The following NPHS1 variants were observed in gnomAD, a reference collection of about 807,000 sequenced individuals.
NPHS1 encodes the protein NPHS1 adhesion molecule, nephrin, also known as nephrin.
NPHS1 carries 107 observed loss-of-function variants against 139.7 expected under a neutral mutation model. The ratio of observed to expected loss-of-function variants is 0.77; its 90% CI spans 0.66 to 0.90. The LOEUF (loss-of-function observed/expected upper bound fraction) is 0.90, where lower values mean the gene tolerates loss of function less well. NPHS1 is among the 40% of genes least tolerant of loss of function. The pLI is 0.00. For synonymous variants in NPHS1, 707 were observed against 706.6 expected (o/e 1.00, Z -0.01); for missense variants, 1,580 against 1,654.2 (o/e 0.96, Z 0.78).
intron 22 of NPHS1, among the ~76,000 whole-genome samples, 170 bp from the exon 23 acceptor site, chr19:35,835,931 A>T (rs1405346853): frequency 6.7e-6 from 1 of 149,934 alleles, no homozygotes; most frequent in African/African-American, 2.5e-5. Flanking sequence ...AATACTATTA[A>T]TAGCAATTCT....
In NPHS1 at chr19:35,831,119, A is replaced by G; in HGVS notation, c.3415T>C (p.Tyr1139His). The G allele has an allele frequency of 6.2e-7, 1 of 1,614,024 alleles. No individual in the cohort carries two copies. ...GGGCTGAAGTCCCTCAGGGAGCGGT[A>G]ATACGGCTCTGCCTCTGTTGTGCTG... The part of the protein sequence containing the change: ...TVSTTEAEPY[Y>H]RSLRDFSPQL... Residue 1139 changes from tyrosine (Y) to histidine (H), a missense_variant, in exon 27 of 29, where the codon TAC becomes CAC. Tyr to His is a moderately conservative substitution (Grantham distance 83). Coordinates refer to ENST00000378910, the MANE Select transcript of NPHS1 (RefSeq NM_004646.4).
chr19:35,846,164 G>A lies in NPHS1; in HGVS notation c.1471C>T (p.Pro491Ser), dbSNP rs751346432. ...DSRTVTESRL[P>S]QESRRVHLGS... ...AGATGCACGCGCCGCGACTCCTGCG[G>A]CAGCCGCGACTCGGTCACGGTGCGC... Residue 491 changes from proline to serine, a missense_variant, in exon 12 of 29, where the codon CCG becomes TCG. Transcript: ENST00000378910. The A allele has an allele frequency of 6.3e-7, 1 of 1,595,190 alleles. No individual in the cohort carries two copies. The highest frequency in any genetic ancestry group is 8.5e-7 in the Non-Finnish European group (1 of 1,172,770).
At chr19:35,837,719 C>T (rs1254321826) in intron 22 of NPHS1, among the ~76,000 whole-genome samples, 1 of 152,034 alleles carries the variant, frequency 6.6e-6, no homozygotes, top group African/African-American at 2.4e-5. Flanking sequence ...TCTCTTGCCT[C>T]AGCCTCCCAA....
rs762392183 is a variant in NPHS1 at position 35,842,122 on chromosome 19, A to T, written c.2663+2T>A. On this transcript the variant is annotated splice_donor_variant, in intron 19 of 28. Transcript: ENST00000378910. LOFTEE classifies it high-confidence loss of function. ...GTGCTGCCTGGCTGGGCTTGGGCTC[A>T]CCTGGGATCTTGGAGATCCAGAGGG... 1.1e-5 allele frequency: 18 copies of T among 1,602,486 alleles called. No homozygotes were observed. Among genetic ancestry groups the T allele is most frequent in the Non-Finnish European group, 1.5e-5 (18 of 1,175,574 alleles).
chr19:35,842,308 G>T (rs752491418), intron 18 of NPHS1, 28 bp from the exon 19 acceptor site: 18 of 1,612,152 alleles, frequency 1.1e-5, no homozygotes, highest in Non-Finnish European at 1.5e-5. Flanking sequence ...GTCAACATGA[G>T]CTATGTGGGA....
intron 22 of NPHS1, among the ~76,000 whole-genome samples, chr19:35,837,064 AAGAAAGAAAAAT>A (rs752113806): frequency 1.2e-3 from 171 of 140,446 alleles, no homozygotes; most frequent in Admixed American, 2.6e-3. Flanking sequence ...GAAAGAAAGA[AAGAAAGAAAAAT>A]AAACTGAGCC....
rs375347088 is a variant in NPHS1 at position 35,842,077 on chromosome 19, G to T, written c.2663+47C>A. The T allele has an allele frequency of 5.1e-4, 802 of 1,574,720 alleles. 3 individuals are homozygous for T. The highest frequency in any genetic ancestry group is 6.5e-4 in the Non-Finnish European group (747 of 1,157,232). Reference sequence around the variant, plus strand: ...CTCAGGGAGGGGAAGTGGGGCTGGAGGTCCAGACCTGGGGCTGGAGTGCTG... The same window carrying T: ...CTCAGGGAGGGGAAGTGGGGCTGGATGTCCAGACCTGGGGCTGGAGTGCTG... On this transcript the variant is annotated intron_variant, in intron 19 of 28. Coordinates refer to ENST00000378910, the MANE Select transcript of NPHS1 (RefSeq NM_004646.4).
In NPHS1 at chr19:35,851,010, G is replaced by A. The variant is rs753019798; in HGVS notation, c.477C>T (p.Asn159=). The A allele has an allele frequency of 1.2e-6, 2 of 1,614,054 alleles. No homozygotes were observed. The highest frequency in any genetic ancestry group is 1.7e-6 in the Non-Finnish European group (2 of 1,180,022). ...CTGGCTTCGCGTCCCCAGACACACA[G>A]TTGACCACGTACTCCTGCCCAGCTA... is the stretch of plus-strand genomic sequence containing the variant. ...TWVAGQEYVV[N]CVSGDAKPAP... Residue 159 remains asparagine (N), a synonymous_variant, in exon 4 of 29, where the codon AAC becomes AAT. Transcript: ENST00000378910.
At chr19:35,842,061 G>A (rs761003374) in intron 19 of NPHS1, 63 bp downstream of exon 19, 7 of 1,543,266 alleles carry the variant, frequency 4.5e-6, no homozygotes, top group Non-Finnish European at 6.2e-6. Context: ...ACTCAGGGAG[G>A]GGAAGTGGGG....
At chr19:35,841,106 C>T (rs1973049684) in intron 20 of NPHS1, among the ~76,000 whole-genome samples, 1 of 151,684 alleles carries the variant, frequency 6.6e-6, no homozygotes, top group African/African-American at 2.4e-5. Flanking sequence ...ATGAAGAGGG[C>T]TGGTCATCAC....
chr19:35,831,655 G>C lies in NPHS1; in HGVS notation c.3274C>G (p.Arg1092Gly). The C allele has an allele frequency of 6.2e-7, 1 of 1,612,868 alleles. No homozygotes were observed. Among genetic ancestry groups the C allele is most frequent in the Non-Finnish European group, 8.5e-7 (1 of 1,179,628 alleles). ...GGTCTCTCCTCACCCTCAGCAAGAC[G>C]CCTGAGTCTCCGCTGCCAGAGGACC... Reference protein sequence around the residue: ...GGVLWQRRLRRLAEGISEKTE... With the variant: ...GGVLWQRRLRGLAEGISEKTE... The change falls in exon 24 of 29, where the codon CGT (arginine) becomes GGT (glycine). Residue 1092 changes from arginine to glycine, a missense_variant. By Grantham distance (125) the Arg-to-Gly change is moderately radical (BLOSUM62 -2). Transcript: ENST00000378910.
rs760315284 is a variant in NPHS1, at chr19:35,845,652, A to T, written c.1757+17T>A. The T allele has an allele frequency of 6.2e-7, 1 of 1,612,388 alleles. No individual in the cohort carries two copies. Among genetic ancestry groups the T allele is most frequent in the Non-Finnish European group, 8.5e-7 (1 of 1,179,254 alleles). ...CGAGGCCAGACCAGAGAGGGGAGGG[A>T]TCCCTCGCACTCCCACCTCTCCCCT... On this transcript the variant is annotated intron_variant, in intron 13 of 28. Transcript: ENST00000378910. The surrounding 1 kb of genome is among the most constrained non-coding windows in gnomAD (Gnocchi z 5.5).
At position 35,844,388 on chromosome 19, in the gene NPHS1, C is replaced by G; in HGVS notation, c.2002G>C (p.Val668Leu). 1 of 1,612,050 alleles carries G rather than the reference C, an allele frequency of 6.2e-7. No homozygotes were observed. Among genetic ancestry groups the G allele is most frequent in the Non-Finnish European group, 8.5e-7 (1 of 1,179,344 alleles). ...AVEQGEALLPVSVSANPAPEA... is the reference protein window; with the variant it reads ...AVEQGEALLPLSVSANPAPEA... Reference sequence around the variant, plus strand: ...GGGGCGGGGTTAGCGGACACGGACACGGGCAGCAACGCCTCGCCCTGCTCC... The same window carrying G: ...GGGGCGGGGTTAGCGGACACGGACAGGGGCAGCAACGCCTCGCCCTGCTCC... The change falls in exon 15 of 29, where the codon GTG becomes CTG. Residue 668 changes from valine (V) to leucine (L), a missense_variant. Physicochemically the swap from Val to Leu is conservative, Grantham distance 32 (BLOSUM62 1). Transcript: ENST00000378910.
At chr19:35,843,700 G>C in intron 16 of NPHS1, 107 bp from the exon 17 acceptor site, 1 of 1,431,270 alleles carries the variant, frequency 7.0e-7, no homozygotes, top group Non-Finnish European at 9.7e-7. Context: ...AAAGTTATGG[G>C]TGTGGACACA....
chr19:35,835,766 G>C lies in NPHS1; in HGVS notation c.3110-5C>G. ...CTCCAGAAGGCTGGTGGAGACCTGGGGGGTGGATATACAGATTGTGACTTA... is the reference window on the plus strand; with the variant it reads ...CTCCAGAAGGCTGGTGGAGACCTGGCGGGTGGATATACAGATTGTGACTTA... On this transcript the variant is annotated splice_polypyrimidine_tract_variant and splice_region_variant and intron_variant, in intron 22 of 28. Coordinates refer to ENST00000378910, the MANE Select transcript of NPHS1 (RefSeq NM_004646.4). 2 of 1,613,194 alleles carry C rather than the reference G, an allele frequency of 1.2e-6. No individual in the cohort carries two copies. Among genetic ancestry groups the C allele is most frequent in the Non-Finnish European group, 8.5e-7 (1 of 1,179,392 alleles).
intron 6 of NPHS1, 36 bp downstream of exon 6, chr19:35,849,514 T>A (rs752650951): frequency 6.3e-7 from 1 of 1,596,138 alleles, no homozygotes; most frequent in South Asian, 1.1e-5. Flanking sequence ...CTGCTCCCCA[T>A]CCTCAGCGCC....
Position 35,839,318 on chromosome 19 carries a change from T to G in NPHS1, c.3028A>C (p.Arg1010=). ...LTGLQPSTRY[R]VWLLASNALG... ...GCATTACTGGCCAGCAGCCAGACCC[T>G]GTATCTTGTAGAAGGCTGTAGACCA... The change falls in exon 22 of 29, where the codon AGG becomes CGG. Residue 1010 remains arginine, a synonymous_variant. Transcript: ENST00000378910. The G allele has an allele frequency of 2.5e-6, 4 of 1,614,194 alleles. No individual in the cohort carries two copies. The highest frequency in any genetic ancestry group is 3.4e-6 in the Non-Finnish European group (4 of 1,180,022).
At chr19:35,844,824 G>T (rs1973112341) in intron 14 of NPHS1, among the ~76,000 whole-genome samples, 4 of 152,050 alleles carry the variant, frequency 2.6e-5, no homozygotes, top group African/African-American at 9.7e-5. Context: ...TAGAGTGATA[G>T]TGTCAAAGCA....
chr19:35,839,669 C>T (rs764927928), intron 20 of NPHS1, 62 bp from the exon 21 acceptor site: 47 of 1,315,668 alleles, frequency 3.6e-5, no homozygotes, highest in Non-Finnish European at 5.2e-5. Context: ...AGATTCTGTC[C>T]AGGTTTTCCC....
Sources: gnomAD v4.1 joint callset for allele counts (sites outside exome capture counted in the v4.1 genomes callset) on GRCh38, gnomAD v4.1.1 for gene constraint, Gnocchi (gnomAD v3.1) non-coding constraint, MANE v1.5 for transcripts, NCBI Gene and HGNC (gene_info 2026-07-23, HGNC 2026-07-21) for gene names.